Variants in PDE4D observed in about 807,000 individuals in gnomAD.
PDE4D encodes the protein phosphodiesterase 4D, also known as 3',5'-cyclic-AMP phosphodiesterase 4D.
A neutral mutation model predicts 87.4 loss-of-function variants in PDE4D; 24 were observed. The observed-to-expected ratio is 0.27, with a 90% CI of 0.20 to 0.39. The LOEUF (loss-of-function observed/expected upper bound fraction) is 0.39. PDE4D is among the 10% of genes least tolerant of loss of function. The pLI, the probability that PDE4D is intolerant of heterozygous loss-of-function variation, is 1.00. For missense variants in PDE4D, 714 were observed against 1,041.0 expected (o/e 0.69, Z 4.32); for synonymous variants, 384 against 383.2 (o/e 1.00, Z -0.02).
At chr5:59,091,933 T>G (rs1768825499) in intron 5 of PDE4D, among the ~76,000 whole-genome samples, 1 of 152,122 alleles carries the variant, frequency 6.6e-6, no homozygotes, top group African/African-American at 2.4e-5. Context: ...ATGAAGCATC[T>G]CCTTAAATGA....
In PDE4D at chr5:59,550,252, C is replaced by T. The variant is rs548997853; in HGVS notation, c.456-334284G>A. On this transcript the variant is annotated intron_variant, in intron 1 of 14. Coordinates refer to ENST00000340635, the MANE Select transcript of PDE4D (RefSeq NM_001104631.2). ...ATACACATTTACCTTGATAACATAT[C>T]AAGGTATATTGTGCTAATTCCCGCT... Among the ~76,000 whole-genome samples, 5 of 152,110 alleles carry T rather than the reference C, an allele frequency of 3.3e-5. No homozygotes were observed. The East Asian group carries it at 7.7e-4, about 23-fold the overall frequency.
chr5:59,207,196 G>GA (rs527735556), intron 2 of PDE4D, among the ~76,000 whole-genome samples: 106 of 150,326 alleles, frequency 7.1e-4, no homozygotes, highest in Non-Finnish European at 1.4e-3. Flanking sequence ...CAAAAGAAAA[G>GA]AAAAAAAAAT....
chr5:60,022,829 T>C (rs919519890), intron 2 of PDE4D: 1 of 152,436 alleles, frequency 6.6e-6, no homozygotes, highest in Non-Finnish European at 1.5e-5. Flanking sequence ...GGTCCTCTAA[T>C]TAGTAAGGCA....
At chr5:59,650,791 C>A (rs1179958365) in intron 1 of PDE4D, among the ~76,000 whole-genome samples, 1 of 152,014 alleles carries the variant, frequency 6.6e-6, no homozygotes, top group Non-Finnish European at 1.5e-5. Flanking sequence ...TATATCTATG[C>A]ACTCACTTCT....
chr5:60,305,608 T>C (rs1198496397), intron 1 of PDE4D, among the ~76,000 whole-genome samples: 6 of 149,588 alleles, frequency 4.0e-5, no homozygotes, highest in Admixed American at 4.0e-4. Flanking sequence ...AATAAATCAG[T>C]AAAAGACCTA....
intron 1 of PDE4D, among the ~76,000 whole-genome samples, chr5:60,411,381 T>C (rs1742029329): frequency 6.6e-6 from 1 of 152,218 alleles, no homozygotes; most frequent in Non-Finnish European, 1.5e-5. Flanking sequence ...AGAACTATCC[T>C]GGCCTTTCAC....
At chr5:60,319,987 G>T (rs577172845) in intron 1 of PDE4D, among the ~76,000 whole-genome samples, 4 of 152,334 alleles carry the variant, frequency 2.6e-5, no homozygotes, top group African/African-American at 9.6e-5. Context: ...CGTGCTGGGA[G>T]AACCACTACT....
At chr5:59,907,082 C>T (rs1266204614) in intron 3 of PDE4D, among the ~76,000 whole-genome samples, 2 of 152,076 alleles carry the variant, frequency 1.3e-5, no homozygotes, top group African/African-American at 4.8e-5. Flanking sequence ...CTGGCGGGAA[C>T]ACGGATGGAG....
At chr5:60,289,271 AC>A (rs1339092334) in intron 1 of PDE4D, among the ~76,000 whole-genome samples, 1 of 151,944 alleles carries the variant, frequency 6.6e-6, no homozygotes, top group Non-Finnish European at 1.5e-5. Context: ...CTTAAATATC[AC>A]CCCCCTCAAA....
At chr5:59,836,018 T>C (rs1741969400) in intron 1 of PDE4D, among the ~76,000 whole-genome samples, 1 of 151,996 alleles carries the variant, frequency 6.6e-6, no homozygotes, top group African/African-American at 2.4e-5. Context: ...ACCTCATCTA[T>C]AAAATATGCT....
At chr5:59,425,419 TC>T (rs2047839129) in intron 1 of PDE4D, among the ~76,000 whole-genome samples, 1 of 152,154 alleles carries the variant, frequency 6.6e-6, no homozygotes, top group African/African-American at 2.4e-5. Context: ...AGATTTAACA[TC>T]CCTATTCTTT....
intron 3 of PDE4D, among the ~76,000 whole-genome samples, chr5:59,901,229 G>T (rs1431646139): frequency 6.6e-6 from 1 of 152,144 alleles, no homozygotes; most frequent in Non-Finnish European, 1.5e-5. Context: ...ACAAATGGGA[G>T]AAATTAAACA....
At chr5:59,622,750 A>G (rs1830485929) in intron 1 of PDE4D, among the ~76,000 whole-genome samples, 1 of 152,158 alleles carries the variant, frequency 6.6e-6, no homozygotes, top group African/African-American at 2.4e-5. Context: ...CCAATTCTCA[A>G]ACAACATAAG....
intron 2 of PDE4D, among the ~76,000 whole-genome samples, chr5:60,024,361 G>A (rs2152854889): frequency 6.6e-6 from 1 of 152,256 alleles, no homozygotes; most frequent in East Asian, 1.9e-4. Context: ...TCTTGTTGAA[G>A]CTAGTCTGAA....
At chr5:59,553,318 G>A (rs1818414566) in intron 1 of PDE4D, among the ~76,000 whole-genome samples, 1 of 152,068 alleles carries the variant, frequency 6.6e-6, no homozygotes, top group South Asian at 2.1e-4. Flanking sequence ...GGCATTTTAG[G>A]AGGTGAGAAA....
At chr5:58,989,555 A>C (rs1383462195) in intron 10 of PDE4D, among the ~76,000 whole-genome samples, 200 bp downstream of exon 10, 1 of 152,176 alleles carries the variant, frequency 6.6e-6, no homozygotes. Context: ...ATCAATCACT[A>C]AATCTGTGAC....
intron 1 of PDE4D, among the ~76,000 whole-genome samples, chr5:59,728,232 A>G (rs1477524906): frequency 6.6e-6 from 1 of 152,124 alleles, no homozygotes; most frequent in African/African-American, 2.4e-5. Flanking sequence ...CCCGACTCTA[A>G]AGTTCATGGT....
intron 1 of PDE4D, among the ~76,000 whole-genome samples, chr5:59,406,011 G>T (rs907556239): frequency 6.6e-5 from 10 of 152,248 alleles, no homozygotes; most frequent in African/African-American, 2.4e-4. Context: ...TGTGCCTTTG[G>T]TCTGTTTCGG....
intron 1 of PDE4D, among the ~76,000 whole-genome samples, chr5:60,223,354 T>C (rs570215724): frequency 4.3e-4 from 66 of 152,252 alleles, no homozygotes; most frequent in African/African-American, 1.5e-3. Flanking sequence ...AGGAAATCAA[T>C]GGTAACCAGG....
Sources: gnomAD v4.1 joint callset for allele counts (sites outside exome capture counted in the v4.1 genomes callset) on GRCh38, gnomAD v4.1.1 for gene constraint, MANE v1.5 for transcripts, NCBI Gene and HGNC (gene_info 2026-07-23, HGNC 2026-07-21) for gene names.